Variants in SF3B1 observed in about 807,000 individuals in gnomAD.
SF3B1 encodes splicing factor 3b subunit 1.
SF3B1 carries 12 observed loss-of-function variants against 153.8 expected under a neutral mutation model. That is an observed-to-expected ratio of 0.08 (90% CI 0.05 to 0.13). SF3B1 has a LOEUF of 0.13. SF3B1 is among the 10% of genes least tolerant of loss of function. SF3B1 has a pLI of 1.00. For missense variants in SF3B1, 513 were observed against 1,606.1 expected, an observed-to-expected ratio of 0.32 and a Z score of 11.63; for synonymous variants, 498 against 525.2, an observed-to-expected ratio of 0.95 and a Z score of 0.71.
intron 21 of SF3B1, 85 bp downstream of exon 21, chr2:197,398,376 T>C: frequency 2.9e-6 from 4 of 1,382,190 alleles, no homozygotes; most frequent in South Asian, 1.2e-5. Context: ...ATTAGTGACA[T>C]TAAGGAAATT....
Position 197,400,014 on chromosome 2 carries a change from T to G in SF3B1, c.3013+41A>C. 1 of 1,339,454 alleles carries G rather than the reference T, an allele frequency of 7.5e-7. No homozygotes were observed. Among genetic ancestry groups the G allele is most frequent in the Non-Finnish European group, 1.0e-6 (1 of 956,042 alleles). 83.0% of individuals were successfully genotyped at this position (1,339,454 alleles called of 1,614,324 possible). On this transcript the variant is annotated intron_variant, in intron 20 of 24. Transcript: ENST00000335508. This position sits in a 1 kb window ranked among gnomAD's most constrained non-coding sequence, Gnocchi z 5.0. ...ACGAAAAAAAAAAGAAAAAGAAAGT[T>G]AAAACAAGAAAAAGTCTTATGTAAC...
In SF3B1 at chr2:197,400,632, T is replaced by C. The variant is rs779647514; in HGVS notation, c.2718+83A>G. On this transcript the variant is annotated intron_variant, in intron 18 of 24. Coordinates refer to ENST00000335508, the MANE Select transcript of SF3B1 (RefSeq NM_012433.4). The surrounding 1 kb of genome is among the most constrained non-coding windows in gnomAD (Gnocchi z 5.0). ...AAAATTACTTCAAATTCAATTGCAT[T>C]CTAGAAAAATTTGCTTGACAACTAA... 9.3e-5 allele frequency: 107 copies of C among 1,148,310 alleles called. No homozygotes were observed. Among genetic ancestry groups the C allele is most frequent in the Non-Finnish European group, 1.3e-4 (106 of 801,392 alleles). 71.1% of individuals were successfully genotyped at this position (1,148,310 alleles called of 1,614,324 possible).
intron 6 of SF3B1, among the ~76,000 whole-genome samples, chr2:197,410,696 G>T (rs1483983041): frequency 6.6e-6 from 1 of 151,784 alleles, no homozygotes; most frequent in African/African-American, 2.4e-5. Context: ...AGTAGAAACA[G>T]GGTTTCTCCA....
intron 12 of SF3B1, 45 bp from the exon 13 acceptor site, chr2:197,403,080 C>T: frequency 7.6e-7 from 1 of 1,321,368 alleles, no homozygotes; most frequent in Non-Finnish European, 1.1e-6. Flanking sequence ...ACATCAATTA[C>T]TGATGAAATG....
chr2:197,413,559 G>T (rs1325544405), intron 6 of SF3B1, among the ~76,000 whole-genome samples: 2 of 152,074 alleles, frequency 1.3e-5, no homozygotes, highest in Non-Finnish European at 2.9e-5. Flanking sequence ...CCCTGTTCTG[G>T]GTTTGGGGAA....
intron 1 of SF3B1, among the ~76,000 whole-genome samples, chr2:197,426,224 T>C (rs2085334781): frequency 6.6e-6 from 1 of 151,920 alleles, no homozygotes; most frequent in South Asian, 2.1e-4. Flanking sequence ...TACTTTTGTT[T>C]CTGTTTGTAG....
At chr2:197,416,632 T>C in intron 6 of SF3B1, 109 bp downstream of exon 6, 3 of 917,424 alleles carry the variant, frequency 3.3e-6, no homozygotes, top group Admixed American at 5.0e-5. Context: ...GTCTGTTGTT[T>C]AAGGCACCCA....
In SF3B1 at chr2:197,390,289, C is replaced by T. The variant is rs1160885536; in HGVS notation, c.*2014G>A. On this transcript the variant is annotated 3_prime_UTR_variant, in exon 25 of 25. Coordinates refer to ENST00000335508, the MANE Select transcript of SF3B1 (RefSeq NM_012433.4). ...CATAAAGAACCAGAGGCCAAGCAAACGTAGGCTACTAAGTACTTGAATTGA... is the reference window on the plus strand; with the variant it reads ...CATAAAGAACCAGAGGCCAAGCAAATGTAGGCTACTAAGTACTTGAATTGA... 1.3e-5 allele frequency: 2 copies of T among 152,156 alleles called. No homozygotes were observed. Among genetic ancestry groups the T allele is most frequent in the African/African-American group, 4.8e-5 (2 of 41,444 alleles). The allele number at this position is 152,156 out of a possible 1,614,324, so 9.4% of individuals were successfully genotyped here.
chr2:197,414,282 AAGCAG>A (rs1469709788), intron 6 of SF3B1, among the ~76,000 whole-genome samples: 4 of 152,256 alleles, frequency 2.6e-5, no homozygotes, highest in African/African-American at 7.2e-5. Context: ...TGCGGAACAG[AAGCAG>A]AGGACAGATT....
At position 197,402,898 on chromosome 2, in the gene SF3B1, A is replaced by C. The variant is rs1053811491; in HGVS notation, c.1806+51T>G. 6 of 1,607,928 alleles carry C rather than the reference A, an allele frequency of 3.7e-6. No individual in the cohort carries two copies. The highest frequency in any genetic ancestry group is 5.1e-6 in the Non-Finnish European group (6 of 1,175,824). ...TCTTCAACCATTTCTTTCCATAATCAATTCCATAAACAGATATAAATTTTC... is the reference window on the plus strand; with the variant it reads ...TCTTCAACCATTTCTTTCCATAATCCATTCCATAAACAGATATAAATTTTC... On this transcript the variant is annotated intron_variant, in intron 13 of 24. Coordinates refer to ENST00000335508, the MANE Select transcript of SF3B1 (RefSeq NM_012433.4). This position sits in a 1 kb window ranked among gnomAD's most constrained non-coding sequence, Gnocchi z 4.6.
chr2:197,408,307 A>G, intron 8 of SF3B1, 62 bp downstream of exon 8: 1 of 1,518,066 alleles, frequency 6.6e-7, no homozygotes, highest in Non-Finnish European at 9.1e-7. Context: ...AGAATACCAC[A>G]AAGGAAAAAA....
At position 197,434,481 on chromosome 2, in the gene SF3B1, CAAGT is replaced by C. The variant is rs2085490141; in HGVS notation, c.28+487_28+490del. Among the ~76,000 whole-genome samples the C allele has an allele frequency of 2.6e-5, 4 of 152,270 alleles. No homozygotes were observed. The South Asian group carries it at 8.3e-4, about 32-fold the overall frequency. ...AATCGTTTCGTGCAAGAAAAATAAACAAGTAACTGACGCTTGAAGACACACAAGG... is the reference window on the plus strand; with the variant it reads ...AATCGTTTCGTGCAAGAAAAATAAACAACTGACGCTTGAAGACACACAAGG... On this transcript the variant is annotated intron_variant, in intron 1 of 24. Transcript: ENST00000335508.
intron 6 of SF3B1, among the ~76,000 whole-genome samples, chr2:197,413,043 CAGG>C (rs1288015247): frequency 1.4e-5 from 2 of 141,448 alleles, no homozygotes; most frequent in Non-Finnish European, 3.1e-5. Flanking sequence ...AAACAATTAA[CAGG>C]AGGACAAACT....
intron 1 of SF3B1, among the ~76,000 whole-genome samples, chr2:197,429,579 T>G (rs1225639247): frequency 6.6e-6 from 1 of 151,598 alleles, no homozygotes; most frequent in Non-Finnish European, 1.5e-5. Context: ...AGGTCAGGAG[T>G]TCGAGACCAG....
At chr2:197,424,290 G>C (rs552709992) in intron 1 of SF3B1, among the ~76,000 whole-genome samples, 27 of 152,252 alleles carry the variant, frequency 1.8e-4, no homozygotes, top group Middle Eastern at 3.4e-3. Flanking sequence ...TTGAGGTCAG[G>C]AGTTCGAGAC....
At chr2:197,409,348 T>C (rs1321677325) in intron 7 of SF3B1, among the ~76,000 whole-genome samples, 1 of 151,654 alleles carries the variant, frequency 6.6e-6, no homozygotes, top group East Asian at 1.9e-4. Context: ...TGCAGTGAGC[T>C]GAGATCGCGC....
chr2:197,393,376 T>C (rs2105975075), intron 23 of SF3B1, 188 bp from the exon 24 acceptor site: 1 of 578,806 alleles, frequency 1.7e-6, no homozygotes, highest in Non-Finnish European at 3.1e-6. Flanking sequence ...TCCTTTAGAA[T>C]AGCTTCCACT....
chr2:197,400,500 AAG>A lies in SF3B1; in HGVS notation c.2719-68_2719-67del, dbSNP rs1182437024. ...TATGACTGCACAGTTGAAATACACTAAGAGTCAACCTTTTCTAACCACCCAAA... is the reference window on the plus strand; with the variant it reads ...TATGACTGCACAGTTGAAATACACTAAGTCAACCTTTTCTAACCACCCAAA... On this transcript the variant is annotated intron_variant, in intron 18 of 24. Coordinates refer to ENST00000335508, the MANE Select transcript of SF3B1 (RefSeq NM_012433.4). The surrounding 1 kb of genome is among the most constrained non-coding windows in gnomAD (Gnocchi z 5.0). 1.5e-5 allele frequency: 21 copies of A among 1,373,486 alleles called. No homozygotes were observed. The highest frequency in any genetic ancestry group is 2.1e-5 in the Non-Finnish European group (21 of 1,003,870). The allele number at this position is 1,373,486 out of a possible 1,614,324, so 85.1% of individuals were successfully genotyped here. A position where few individuals can be genotyped will look rare whatever the true frequency, so the allele number is the denominator to read the frequency against.
rs2105979290 is a variant in SF3B1 at position 197,398,006 on chromosome 2, C to G, written c.3245G>C (p.Gly1082Ala). ...TCACCCAATGGCCTTTGCAATATAA[C>G]CAAATGTGTTGACTGTGGCTCTACG... Reference protein sequence around the residue: ...AIRRATVNTFGYIAKAIGPHD... With the variant: ...AIRRATVNTFAYIAKAIGPHD... Residue 1082 changes from glycine to alanine, a missense_variant, in exon 22 of 25, where the codon GGT becomes GCT. By Grantham distance (60) the Gly-to-Ala change is moderately conservative (BLOSUM62 0). Coordinates refer to ENST00000335508, the MANE Select transcript of SF3B1 (RefSeq NM_012433.4). 1 of 1,613,344 alleles carries G rather than the reference C, an allele frequency of 6.2e-7. No homozygotes were observed. Among genetic ancestry groups the G allele is most frequent in the Non-Finnish European group, 8.5e-7 (1 of 1,179,584 alleles).
Sources: gnomAD v4.1 joint callset for allele counts (sites outside exome capture counted in the v4.1 genomes callset) on GRCh38, gnomAD v4.1.1 for gene constraint, Gnocchi (gnomAD v3.1) non-coding constraint, MANE v1.5 for transcripts, NCBI Gene and HGNC (gene_info 2026-07-23, HGNC 2026-07-21) for gene names.